NKAIN2: variants seen among roughly 807,000 people sequenced by gnomAD.
The protein encoded by NKAIN2 is sodium/potassium-transporting ATPase subunit beta-1-interacting protein 2.
In NKAIN2, 14 loss-of-function variants were observed where a neutral mutation model predicts 32.6. The ratio of observed to expected loss-of-function variants is 0.43; its 90% CI spans 0.28 to 0.67. NKAIN2 has a LOEUF of 0.67. NKAIN2 is among the 30% of genes least tolerant of loss of function. The pLI, the probability that NKAIN2 is intolerant of heterozygous loss-of-function variation, is 0.17. For synonymous variants in NKAIN2, 80 were observed against 87.2 expected (o/e 0.92, Z 0.46); for missense variants, 198 against 258.3 (o/e 0.77, Z 1.60).
intron 4 of NKAIN2, among the ~76,000 whole-genome samples, chr6:124,740,809 A>G (rs1777172747): frequency 6.6e-6 from 1 of 151,884 alleles, no homozygotes; most frequent in African/African-American, 2.4e-5. Context: ...AAGGACAGTA[A>G]AGGTTGTAAT....
At chr6:124,372,085 A>C (rs1205601474) in intron 3 of NKAIN2, among the ~76,000 whole-genome samples, 1 of 152,174 alleles carries the variant, frequency 6.6e-6, no homozygotes, top group East Asian at 1.9e-4. Context: ...ATTTAAAAAT[A>C]AGGAGAAACT....
intron 5 of NKAIN2, among the ~76,000 whole-genome samples, chr6:124,815,857 C>A (rs931244369): frequency 2.0e-5 from 3 of 152,094 alleles, no homozygotes; most frequent in African/African-American, 4.8e-5. Context: ...TCTTCTTTTA[C>A]ACCATATGTC....
At chr6:124,799,018 G>A (rs1243898650) in intron 5 of NKAIN2, among the ~76,000 whole-genome samples, 1 of 152,192 alleles carries the variant, frequency 6.6e-6, no homozygotes, top group Admixed American at 6.5e-5. Flanking sequence ...AACTGCCAAG[G>A]AAATATGACA....
At chr6:124,117,166 T>C (rs1244835602) in intron 1 of NKAIN2, among the ~76,000 whole-genome samples, 2 of 152,094 alleles carry the variant, frequency 1.3e-5, no homozygotes, top group African/African-American at 4.8e-5. Context: ...AATTCAATTT[T>C]GGTTAAGGTA....
At chr6:124,800,716 C>G (rs991557089) in intron 5 of NKAIN2, among the ~76,000 whole-genome samples, 1 of 152,162 alleles carries the variant, frequency 6.6e-6, no homozygotes, top group Non-Finnish European at 1.5e-5. Context: ...TGCCTATTAT[C>G]ACTTGAAAAT....
chr6:124,528,738 A>G (rs1200115084), intron 3 of NKAIN2, among the ~76,000 whole-genome samples: 2 of 152,242 alleles, frequency 1.3e-5, no homozygotes, highest in Non-Finnish European at 2.9e-5. Flanking sequence ...AAAACATATC[A>G]TTTCAACTGT....
chr6:124,307,075 G>A (rs141257146), intron 2 of NKAIN2, among the ~76,000 whole-genome samples: 109 of 152,106 alleles, frequency 7.2e-4, no homozygotes, highest in Admixed American at 3.1e-3. Flanking sequence ...AGGCCCGCTC[G>A]GGAAGGTCTA....
intron 1 of NKAIN2, among the ~76,000 whole-genome samples, chr6:124,230,503 G>C (rs1273959471): frequency 6.6e-6 from 1 of 152,154 alleles, no homozygotes; most frequent in East Asian, 1.9e-4. Flanking sequence ...GGGCGTGTCA[G>C]AGCCTTTTCC....
At chr6:124,426,737 A>G (rs145179692) in intron 3 of NKAIN2, among the ~76,000 whole-genome samples, 1,557 of 152,286 alleles carry the variant, frequency 0.01, 19 homozygotes, top group African/African-American at 0.034. Flanking sequence ...TATAGCTCCC[A>G]TAATTCCCAC....
chr6:124,406,352 T>C (rs1773860806), intron 3 of NKAIN2, among the ~76,000 whole-genome samples: 1 of 152,156 alleles, frequency 6.6e-6, no homozygotes, highest in South Asian at 2.1e-4. Flanking sequence ...GTATGTACTC[T>C]TTTTGAGTCA....
At chr6:124,003,767 C>T (rs889640218) in intron 1 of NKAIN2, among the ~76,000 whole-genome samples, 1 of 152,124 alleles carries the variant, frequency 6.6e-6, no homozygotes, top group Non-Finnish European at 1.5e-5. Context: ...AAGGGCACTG[C>T]ATTCTCAGGG....
chr6:124,473,651 C>A (rs1164915437), intron 3 of NKAIN2, among the ~76,000 whole-genome samples: 4 of 152,110 alleles, frequency 2.6e-5, no homozygotes, highest in Non-Finnish European at 5.9e-5. Context: ...AATGCCATGA[C>A]AATTTTATGC....
chr6:124,034,837 A>G (rs1180412941), intron 1 of NKAIN2, among the ~76,000 whole-genome samples: 8 of 152,098 alleles, frequency 5.3e-5, no homozygotes, highest in Middle Eastern at 6.8e-3. Flanking sequence ...ACTTTATCTC[A>G]TTGTGGTTTT....
At chr6:124,450,803 A>G (rs759224030) in intron 3 of NKAIN2, among the ~76,000 whole-genome samples, 4 of 152,036 alleles carry the variant, frequency 2.6e-5, no homozygotes, top group Non-Finnish European at 5.9e-5. Context: ...TTTTGACCCA[A>G]ATAACTACAT....
At position 124,223,876 on chromosome 6, in the gene NKAIN2, T is replaced by C. The variant is rs73561264; in HGVS notation, c.55-59129T>C. On this transcript the variant is annotated intron_variant, in intron 1 of 6. Coordinates refer to ENST00000368417, the MANE Select transcript of NKAIN2 (RefSeq NM_001040214.3). Reference sequence around the variant, plus strand: ...GAAAATATAGAGATCTGCATAGTAATACAAAATGAGAGAATTTACTGCCTG... The same window carrying C: ...GAAAATATAGAGATCTGCATAGTAACACAAAATGAGAGAATTTACTGCCTG... 2.0e-3 allele frequency among the ~76,000 whole-genome samples: 299 copies of C among 152,260 alleles called. 3 individuals carry two copies. The highest frequency in any genetic ancestry group is 7.0e-3 in the African/African-American group (290 of 41,566).
At chr6:124,261,412 C>T (rs924402376) in intron 1 of NKAIN2, among the ~76,000 whole-genome samples, 2 of 152,180 alleles carry the variant, frequency 1.3e-5, no homozygotes, top group Non-Finnish European at 2.9e-5. Flanking sequence ...AACACTTCAA[C>T]AATGTTAGTT....
At position 124,731,711 on chromosome 6, in the gene NKAIN2, TA is replaced by T. The variant is rs901765450; in HGVS notation, c.475-59617del. ...GTACCCTAAAACTTAAGGTATAATT[TA>T]AAAAAAAAAAGAATGTGGAAGTTTC... On this transcript the variant is annotated intron_variant, in intron 4 of 6. Coordinates refer to ENST00000368417, the MANE Select transcript of NKAIN2 (RefSeq NM_001040214.3). 8.0e-4 allele frequency among the ~76,000 whole-genome samples: 117 copies of T among 145,538 alleles called. 3 individuals carry two copies. The highest frequency in any genetic ancestry group is 1.4e-3 in the African/African-American group (54 of 39,924).
At chr6:124,163,923 A>G (rs1788400152) in intron 1 of NKAIN2, among the ~76,000 whole-genome samples, 1 of 152,028 alleles carries the variant, frequency 6.6e-6, no homozygotes, top group African/African-American at 2.4e-5. Flanking sequence ...TTGCAGAAAG[A>G]CGAATAGAGA....
chr6:124,114,701 C>T (rs569713470), intron 1 of NKAIN2, among the ~76,000 whole-genome samples: 4 of 152,114 alleles, frequency 2.6e-5, no homozygotes, highest in South Asian at 2.1e-4. Flanking sequence ...ACAGAAGAAA[C>T]GAGAGAATGT....
Sources: gnomAD v4.1 joint callset for allele counts (sites outside exome capture counted in the v4.1 genomes callset) on GRCh38, gnomAD v4.1.1 for gene constraint, MANE v1.5 for transcripts, NCBI Gene and HGNC (gene_info 2026-07-23, HGNC 2026-07-21) for gene names.